Variants in GNE observed in about 807,000 individuals in gnomAD.
The protein encoded by GNE is glucosamine (UDP-N-acetyl)-2-epimerase/N-acetylmannosamine kinase.
Under a neutral mutation model 61.8 loss-of-function variants are expected in GNE, and 41 were observed. The observed-to-expected ratio is 0.66, with a 90% CI of 0.52 to 0.86. The LOEUF is 0.86. GNE is among the 40% of genes least tolerant of loss of function. The probability of loss-of-function intolerance (pLI) is 0.00; values close to 1 mark genes in which losing one functional copy is unlikely to be tolerated. For synonymous variants in GNE, 264 were observed against 326.4 expected (o/e 0.81, Z 2.06); for missense variants, 608 against 909.1 (o/e 0.67, Z 4.26).
intron 3 of GNE, among the ~76,000 whole-genome samples, chr9:36,240,372 G>A (rs745931290): frequency 1.3e-5 from 2 of 152,082 alleles, no homozygotes; most frequent in South Asian, 4.1e-4. Flanking sequence ...AATCATAAAG[G>A]GATGCTGGAT....
chr9:36,240,595 A>G (rs980930478), intron 3 of GNE, among the ~76,000 whole-genome samples: 1 of 152,282 alleles, frequency 6.6e-6, no homozygotes, highest in East Asian at 1.9e-4. Context: ...ATGTTCATCA[A>G]GGATATTGGC....
upstream of GNE, among the ~76,000 whole-genome samples, chr9:36,259,677 T>G (rs1830541598): frequency 6.6e-6 from 1 of 152,204 alleles, no homozygotes; most frequent in South Asian, 2.1e-4. Flanking sequence ...TTGTTTGTTT[T>G]TGAGACAGGG....
intron 5 of GNE, among the ~76,000 whole-genome samples, chr9:36,232,487 T>G (rs1007197131): frequency 8.5e-5 from 13 of 152,278 alleles, no homozygotes; most frequent in African/African-American, 3.1e-4. Flanking sequence ...TTCTCTAACA[T>G]CACCTGTATC....
intron 3 of GNE, among the ~76,000 whole-genome samples, chr9:36,243,945 G>A (rs1453047315): frequency 9.0e-6 from 1 of 111,276 alleles, no homozygotes; most frequent in Admixed American, 9.2e-5. Context: ...TTTTTTTTTT[G>A]TTATTGTTTT....
At chr9:36,257,078 C>T (rs534601908) in intron 1 of GNE, among the ~76,000 whole-genome samples, 7 of 152,254 alleles carry the variant, frequency 4.6e-5, no homozygotes, top group African/African-American at 1.4e-4. Flanking sequence ...GTGGCAGGCG[C>T]CTGTAATCCC....
At position 36,218,144 on chromosome 9, in the gene GNE, CACCCCCTGCAGCACA is replaced by C. The variant is rs1563926824; in HGVS notation, c.1933+24_1933+38del. 2 of 1,383,924 alleles carry C rather than the reference CACCCCCTGCAGCACA, an allele frequency of 1.4e-6. No homozygotes were observed. The highest frequency in any genetic ancestry group is 2.1e-6 in the Non-Finnish European group (2 of 969,906). The allele number at this position is 1,383,924 out of a possible 1,614,324, so 85.7% of individuals were successfully genotyped here. A position where few individuals can be genotyped will look rare whatever the true frequency, so the allele number is the denominator to read the frequency against. ...GGCTGGGCCATATGATATCTGAGGC[CACCCCCTGCAGCACA>C]GCCACCTGCAGCCACATGCTCACCT... On this transcript the variant is annotated intron_variant, in intron 11 of 11. Coordinates refer to ENST00000642385, the MANE Select transcript of GNE (RefSeq NM_005476.7). The surrounding 1 kb of genome is among the most constrained non-coding windows in gnomAD (Gnocchi z 4.1).
chr9:36,217,717 TG>T, intron 11 of GNE, 117 bp from the exon 12 acceptor site: 1 of 720,602 alleles, frequency 1.4e-6, no homozygotes, highest in Non-Finnish European at 2.5e-6. Context: ...CGGCATGCAG[TG>T]GGAGGCAGTG....
In GNE at chr9:36,229,108, C is replaced by T; in HGVS notation, c.983G>A (p.Gly328Glu). 1 of 1,580,912 alleles carries T rather than the reference C, an allele frequency of 6.3e-7. No individual in the cohort carries two copies. Among genetic ancestry groups the T allele is most frequent in the Non-Finnish European group, 8.7e-7 (1 of 1,149,786 alleles). Reference sequence around the variant, plus strand: ...ATCCCGGACATGAAGAACATTCTCCCCTAGGTAAAACCAGTGACACATTAC... The same window carrying T: ...ATCCCGGACATGAAGAACATTCTCCTCTAGGTAAAACCAGTGACACATTAC... ...LGTRQIGRET[G>E]ENVLHVRDAD... is the part of the protein sequence containing the mutation. The change falls in exon 6 of 12, where the codon GGG becomes GAG. Residue 328 changes from glycine (G) to glutamate (E), a missense_variant and splice_region_variant. Gly to Glu is a moderately conservative substitution (Grantham distance 98). Transcript: ENST00000642385.
chr9:36,229,284 C>G (rs1338301100), intron 5 of GNE, among the ~76,000 whole-genome samples, 176 bp from the exon 6 acceptor site: 3 of 152,184 alleles, frequency 2.0e-5, no homozygotes, highest in Non-Finnish European at 4.4e-5. Context: ...GTACTCTTGG[C>G]AAGATTTCAG....
At chr9:36,226,491 A>C (rs956422579) in intron 7 of GNE, among the ~76,000 whole-genome samples, 3 of 152,078 alleles carry the variant, frequency 2.0e-5, no homozygotes, top group Non-Finnish European at 4.4e-5. Flanking sequence ...GCCTTCTATT[A>C]GTTTTTAAAA....
At chr9:36,255,608 G>A (rs1484227128) in intron 1 of GNE, among the ~76,000 whole-genome samples, 1 of 151,790 alleles carries the variant, frequency 6.6e-6, no homozygotes, top group Admixed American at 6.6e-5. Context: ...CTCCAGCCTG[G>A]GTGACAGAGT....
At chr9:36,242,843 A>G (rs1403513519) in intron 3 of GNE, among the ~76,000 whole-genome samples, 2 of 149,058 alleles carry the variant, frequency 1.3e-5, no homozygotes, top group African/African-American at 5.0e-5. Flanking sequence ...GGGTTCAAGC[A>G]ATTCTCCTGC....
chr9:36,220,773 T>G (rs564584384), intron 9 of GNE, among the ~76,000 whole-genome samples: 57 of 152,364 alleles, frequency 3.7e-4, no homozygotes, highest in African/African-American at 9.4e-4. Context: ...TCTAAAAATC[T>G]GTGATTCAAT....
chr9:36,245,502 T>G (rs1829834358), intron 3 of GNE, among the ~76,000 whole-genome samples: 2 of 151,572 alleles, frequency 1.3e-5, no homozygotes, highest in South Asian at 4.2e-4. Flanking sequence ...CTGGCCAACG[T>G]GGTGAAATTA....
chr9:36,272,164 T>C (rs1477580374), intron 1 of GNE, among the ~76,000 whole-genome samples: 1 of 152,164 alleles, frequency 6.6e-6, no homozygotes. Flanking sequence ...ATGAGATAGA[T>C]GTGTGGAGGC....
At chr9:36,240,343 T>C (rs998617503) in intron 3 of GNE, among the ~76,000 whole-genome samples, 1 of 152,244 alleles carries the variant, frequency 6.6e-6, no homozygotes, top group Non-Finnish European at 1.5e-5. Flanking sequence ...CCTTGTATGC[T>C]GATTTTGCTG....
Position 36,223,461 on chromosome 9 carries a change from G to A in GNE, c.1323C>T (p.Thr441=). 1.2e-6 allele frequency: 2 copies of A among 1,610,492 alleles called. No individual in the cohort carries two copies. The highest frequency in any genetic ancestry group is 1.7e-6 in the Non-Finnish European group (2 of 1,177,000). Residue 441 remains threonine (T), a synonymous_variant, in exon 8 of 12, where the codon ACC becomes ACT. Coordinates refer to ENST00000642385, the MANE Select transcript of GNE (RefSeq NM_005476.7). ...GGATTAAATTAATCCTCTCTTCATA[G>A]GTTTTAGGATTGAACTGAGTATACT... ...VKKYTQFNPK[T]YEERINLILQ...
Position 36,264,758 on chromosome 9 carries a change from C to T in GNE, c.51+12136G>A, listed in dbSNP as rs535275391. 1.0e-3 allele frequency among the ~76,000 whole-genome samples: 153 copies of T among 152,272 alleles called. 1 individual carries two copies. Among genetic ancestry groups the T allele is most frequent in the African/African-American group, 3.4e-3 (142 of 41,544 alleles). On this transcript the variant is annotated intron_variant, in intron 1 of 11. Transcript: ENST00000396594. Reference sequence around the variant, plus strand: ...CCGACCAATCAGGTAGTAAAGAGAGCTCACTAAAATGCCAATCAGACAAAA... The same window carrying T: ...CCGACCAATCAGGTAGTAAAGAGAGTTCACTAAAATGCCAATCAGACAAAA...
At chr9:36,263,149 C>T (rs1332828123), upstream of GNE, 2 of 151,934 alleles carry the variant, frequency 1.3e-5, no homozygotes, top group Admixed American at 1.3e-4. Context: ...TAACAGAAAC[C>T]TATCTCAAGG....
Sources: allele counts gnomAD v4.1 joint callset (sites outside exome capture counted in the v4.1 genomes callset), GRCh38; gene constraint gnomAD v4.1.1; non-coding constraint Gnocchi (gnomAD v3.1); transcripts MANE v1.5; gene names NCBI Gene and HGNC (gene_info 2026-07-23, HGNC 2026-07-21).